The following SULT4A1 variants were observed in gnomAD, a reference collection of about 807,000 sequenced individuals.
SULT4A1 encodes the protein sulfotransferase family 4A member 1.
Under a neutral mutation model 35.2 loss-of-function variants are expected in SULT4A1, and 11 were observed. That is an observed-to-expected ratio of 0.31 (90% CI 0.20 to 0.52). The LOEUF (loss-of-function observed/expected upper bound fraction) is 0.52. Ranked by LOEUF, SULT4A1 falls within the 20% of genes least tolerant of loss-of-function variation. SULT4A1 has a pLI of 0.97. For missense variants in SULT4A1, 271 were observed against 383.7 expected, an observed-to-expected ratio of 0.71 and a Z score of 2.45; for synonymous variants, 152 against 151.8, an observed-to-expected ratio of 1.00 and a Z score of -0.01.
intron 4 of SULT4A1, among the ~76,000 whole-genome samples, chr22:43,837,028 C>T (rs944457153): frequency 4.6e-5 from 7 of 152,280 alleles, no homozygotes; most frequent in Non-Finnish European, 8.8e-5. Flanking sequence ...GTTGTTTATG[C>T]AGGACCCTCC....
chr22:43,845,095 T>C (rs138080), intron 1 of SULT4A1, among the ~76,000 whole-genome samples: 150,371 of 152,310 alleles, frequency 0.99, 74,240 homozygotes, highest in East Asian at 1. Flanking sequence ...CCCCAGTGAT[T>C]CTCAGTCATC....
rs1385428670 is a variant in SULT4A1, at chr22:43,862,487, G to C, written c.-105C>G. 1 of 953,790 alleles carries C rather than the reference G, an allele frequency of 1.0e-6. No homozygotes were observed. Among genetic ancestry groups the C allele is most frequent in the Admixed American group, 6.4e-5 (1 of 15,568 alleles). 59.1% of individuals were successfully genotyped at this position (953,790 alleles called of 1,614,324 possible). Reference sequence around the variant, plus strand: ...CCGCACACGCTCGCGCCCCACCGGCGCGCGGCGGCAGCTCCGCAGGCGTGA... The same window carrying C: ...CCGCACACGCTCGCGCCCCACCGGCCCGCGGCGGCAGCTCCGCAGGCGTGA... On this transcript the variant is annotated 5_prime_UTR_variant, in exon 1 of 7. Transcript: ENST00000330884.
chr22:43,851,451 G>C (rs2049341242), intron 1 of SULT4A1, among the ~76,000 whole-genome samples: 1 of 152,148 alleles, frequency 6.6e-6, no homozygotes, highest in African/African-American at 2.4e-5. Flanking sequence ...TGGTGATCTT[G>C]AGTCCACTCA....
chr22:43,840,132 A>C, intron 2 of SULT4A1, 107 bp from the exon 3 acceptor site: 2 of 717,838 alleles, frequency 2.8e-6, no homozygotes, highest in Non-Finnish European at 4.5e-6. Context: ...GGTGGGGTTC[A>C]GGGGAAGTGG....
At chr22:43,839,114 C>CTGGACGCTGGAA in intron 3 of SULT4A1, 121 bp from the exon 4 acceptor site, 4 of 1,365,568 alleles carry the variant, frequency 2.9e-6, no homozygotes, top group Non-Finnish European at 4.0e-6. Flanking sequence ...CTGCTTCCAG[C>CTGGACGCTGGAA]GTCCAGCTGG....
At chr22:43,860,625 A>T (rs2049455576) in intron 1 of SULT4A1, among the ~76,000 whole-genome samples, 1 of 152,190 alleles carries the variant, frequency 6.6e-6, no homozygotes, top group Non-Finnish European at 1.5e-5. Flanking sequence ...CTTAATGTGT[A>T]AGCACTGATG....
Position 43,825,278 on chromosome 22 carries a change from G to A in SULT4A1, c.*723C>T, listed in dbSNP as rs2063278958. The A allele has an allele frequency of 6.6e-6, 1 of 152,274 alleles. No individual in the cohort carries two copies. Among genetic ancestry groups the A allele is most frequent in the African/African-American group, 2.4e-5 (1 of 41,470 alleles). 9.4% of individuals were successfully genotyped at this position (152,274 alleles called of 1,614,324 possible). Reference sequence around the variant, plus strand: ...GACTGCATTAGACTCCCACCTGCCAGCCTCACCAGGCAGACTTCCCTCAGC... The same window carrying A: ...GACTGCATTAGACTCCCACCTGCCAACCTCACCAGGCAGACTTCCCTCAGC... On this transcript the variant is annotated 3_prime_UTR_variant, in exon 7 of 7. Coordinates refer to ENST00000330884, the MANE Select transcript of SULT4A1 (RefSeq NM_014351.4).
Position 43,862,207 on chromosome 22 carries a change from G to C in SULT4A1, c.169+7C>G. ...GGCGTGGCGGGCGCGGTCGGCGCGG[G>C]GCTCACCGGACTTGGGGTAGGTGAC... On this transcript the variant is annotated splice_region_variant and intron_variant, in intron 1 of 6. Coordinates refer to ENST00000330884, the MANE Select transcript of SULT4A1 (RefSeq NM_014351.4). 6.5e-7 allele frequency: 1 copy of C among 1,538,914 alleles called. No homozygotes were observed. Among genetic ancestry groups the C allele is most frequent in the South Asian group, 1.2e-5 (1 of 85,620 alleles).
intron 6 of SULT4A1, among the ~76,000 whole-genome samples, chr22:43,828,244 A>G (rs1228343693): frequency 1.3e-5 from 2 of 152,238 alleles, no homozygotes; most frequent in Non-Finnish European, 2.9e-5. Context: ...CCAAGTGTCC[A>G]TCAGGTTCAT....
intron 6 of SULT4A1, 132 bp from the exon 7 acceptor site, chr22:43,826,245 G>A: frequency 6.8e-7 from 1 of 1,474,708 alleles, no homozygotes; most frequent in African/African-American, 1.4e-5. Context: ...GCCTATGGGG[G>A]CAGGAAGGGC....
rs560372042 is a variant in SULT4A1, at chr22:43,832,711, C to T, written c.603+929G>A. Among the ~76,000 whole-genome samples, 4 of 152,266 alleles carry T rather than the reference C, an allele frequency of 2.6e-5. No homozygotes were observed. The South Asian group carries it at 6.2e-4, about 24-fold the overall frequency. On this transcript the variant is annotated intron_variant, in intron 5 of 6. Coordinates refer to ENST00000330884, the MANE Select transcript of SULT4A1 (RefSeq NM_014351.4). ...CCACAAGGCACAGCCCCCACCCCAG[C>T]GCCATAGGGGACCTCGTGTGGCTCT...
In SULT4A1 at chr22:43,842,214, C is replaced by G. The variant is rs1252032395; in HGVS notation, c.170-282G>C. On this transcript the variant is annotated intron_variant, in intron 1 of 6. Transcript: ENST00000330884. ...AACCCAGCCCCTGTTATGGAAGTGG[C>G]TCAGGGGCTGTAACAGGTGGGTGAC... Among the ~76,000 whole-genome samples, 3 of 152,194 alleles carry G rather than the reference C, an allele frequency of 2.0e-5. No individual in the cohort carries two copies. The South Asian group carries it at 6.2e-4, about 31-fold the overall frequency.
intron 1 of SULT4A1, among the ~76,000 whole-genome samples, chr22:43,852,650 C>A (rs1603409467): frequency 6.6e-6 from 1 of 152,176 alleles, no homozygotes; most frequent in East Asian, 1.9e-4. Context: ...CTGCTGCGGC[C>A]AGTCCTTGTC....
At chr22:43,859,164 C>T (rs1477517546) in intron 1 of SULT4A1, among the ~76,000 whole-genome samples, 1 of 152,208 alleles carries the variant, frequency 6.6e-6, no homozygotes, top group Non-Finnish European at 1.5e-5. Flanking sequence ...TCCATCTAGC[C>T]TGGGACCTGC....
intron 6 of SULT4A1, among the ~76,000 whole-genome samples, chr22:43,828,205 C>T (rs2063301493): frequency 6.6e-6 from 1 of 152,224 alleles, no homozygotes; most frequent in African/African-American, 2.4e-5. Flanking sequence ...TCCCTGCAAA[C>T]ATTCTCAACC....
At chr22:43,835,070 G>A (rs1376900889) in intron 4 of SULT4A1, among the ~76,000 whole-genome samples, 1 of 120,844 alleles carries the variant, frequency 8.3e-6, no homozygotes, top group African/African-American at 3.4e-5. Context: ...CCCCACCGCG[G>A]CCCTGAGCTT....
rs367805616 is a variant in SULT4A1 at position 43,853,500 on chromosome 22, C to T, written c.169+8714G>A. 1.4e-4 allele frequency among the ~76,000 whole-genome samples: 21 copies of T among 152,340 alleles called. No homozygotes were observed. In the East Asian group the frequency reaches 3.5e-3, roughly 25 times the overall value. On this transcript the variant is annotated intron_variant, in intron 1 of 6. Transcript: ENST00000330884. ...AGCGGAAACAGGCACAGTCACTGGC[C>T]GTGCCTCCCTCCTCCTGCTGGGGTG...
In SULT4A1 at chr22:43,862,302, C is replaced by T. The variant is rs768443223; in HGVS notation, c.81G>A (p.Leu27=). ...CCATCTTCCCGCGGCAGAAGGGCGG[C>T]AGCCGCACGCCATGGAACTCGAAGT... The part of the protein sequence containing the change: ...SKYFEFHGVR[L]PPFCRGKMEE... Residue 27 remains leucine (L), a synonymous_variant, in exon 1 of 7, where the codon CTG becomes CTA. Coordinates refer to ENST00000330884, the MANE Select transcript of SULT4A1 (RefSeq NM_014351.4). The T allele has an allele frequency of 1.9e-6, 3 of 1,569,628 alleles. No homozygotes were observed. The highest frequency in any genetic ancestry group is 1.7e-6 in the Non-Finnish European group (2 of 1,156,926).
rs780214138 is a variant in SULT4A1, at chr22:43,841,927, T to C, written c.175A>G (p.Ser59Gly). ...AAGTAGACCACCTCCTGCAGCAAGC[T>C]GGTGCCTGGAGGGGAGAAGCCCCAG... ...WIVTYPKSGT[S>G]LLQEVVYLVS... is the part of the protein sequence containing the mutation. The change falls in exon 2 of 7, where the codon AGC becomes GGC. Residue 59 changes from serine (S) to glycine (G), a missense_variant. Physicochemically the swap from Ser to Gly is moderately conservative, Grantham distance 56 (BLOSUM62 0). Transcript: ENST00000330884. 2.5e-6 allele frequency: 4 copies of C among 1,612,632 alleles called. No homozygotes were observed. In the Admixed American group the frequency reaches 5.0e-5, roughly 20 times the overall value.
Sources: allele counts gnomAD v4.1 joint callset (sites outside exome capture counted in the v4.1 genomes callset), GRCh38; gene constraint gnomAD v4.1.1; transcripts MANE v1.5; gene names NCBI Gene and HGNC (gene_info 2026-07-23, HGNC 2026-07-21).